PALM: variants seen among roughly 807,000 people sequenced by gnomAD.
The protein encoded by PALM is paralemmin.
PALM carries 18 observed loss-of-function variants against 30.7 expected under a neutral mutation model. The ratio of observed to expected loss-of-function variants is 0.59; its 90% CI spans 0.41 to 0.87. The LOEUF (loss-of-function observed/expected upper bound fraction) is 0.87, where lower values mean the gene tolerates loss of function less well. Ranked by LOEUF, PALM falls within the 40% of genes least tolerant of loss-of-function variation. The pLI, the probability that PALM is intolerant of heterozygous loss-of-function variation, is 0.00. For missense variants in PALM, 529 were observed against 555.4 expected (o/e 0.95, Z 0.48); for synonymous variants, 286 against 242.8 (o/e 1.18, Z -1.66).
At chr19:717,587 T>C (rs1378270504) in intron 1 of PALM, among the ~76,000 whole-genome samples, 1 of 152,112 alleles carries the variant, frequency 6.6e-6, no homozygotes, top group Non-Finnish European at 1.5e-5. Flanking sequence ...TGTGAATCTG[T>C]AGTTACCCCC....
At chr19:717,495 C>T (rs113313707) in intron 1 of PALM, among the ~76,000 whole-genome samples, 4 of 152,278 alleles carry the variant, frequency 2.6e-5, no homozygotes, top group Non-Finnish European at 4.4e-5. Context: ...CTCCTGTTCA[C>T]GGCTGAGTCA....
chr19:731,116 G>T lies in PALM; in HGVS notation c.291G>T (p.Val97=). 1 of 1,600,716 alleles carries T rather than the reference G, an allele frequency of 6.2e-7. No individual in the cohort carries two copies. Among genetic ancestry groups the T allele is most frequent in the Non-Finnish European group, 8.5e-7 (1 of 1,174,072 alleles). ...CCAGGTTGGAGAAGGAAATTGAGGT[G>T]CTGGAGCGTGGAGACTCCGCCCCAG... The part of the protein sequence containing the change: ...SVSRLEKEIE[V]LERGDSAPAT... The change falls in exon 5 of 9, where the codon GTG becomes GTT. Residue 97 remains valine, a synonymous_variant. Transcript: ENST00000338448.
intron 4 of PALM, among the ~76,000 whole-genome samples, chr19:730,242 A>G (rs1296007515): frequency 6.6e-6 from 1 of 152,136 alleles, no homozygotes. Context: ...TGGAGGGGAC[A>G]CAAGTCTGGC....
At chr19:726,081 G>T in intron 1 of PALM, 57 bp from the exon 2 acceptor site, 2 of 1,368,330 alleles carry the variant, frequency 1.5e-6, no homozygotes, top group Admixed American at 3.4e-5. Context: ...TTTGAACCGC[G>T]TCTGACGGAC....
At position 740,345 on chromosome 19, in the gene PALM, G is replaced by T. The variant is rs758455631; in HGVS notation, c.503-7G>T. The T allele has an allele frequency of 6.4e-7, 1 of 1,559,738 alleles. No individual in the cohort carries two copies. Among genetic ancestry groups the T allele is most frequent in the Non-Finnish European group, 8.7e-7 (1 of 1,151,194 alleles). On this transcript the variant is annotated splice_polypyrimidine_tract_variant and splice_region_variant and intron_variant, in intron 7 of 8. Transcript: ENST00000338448. ...GCCGTGGTGTAACCCCGTGACTCTC[G>T]TGCCAGCCATGTACTCGGTTGAGAT...
chr19:709,362 G>A lies in PALM; in HGVS notation c.5+211G>A, dbSNP rs1183035241. Among the ~76,000 whole-genome samples, 4 of 151,584 alleles carry A rather than the reference G, an allele frequency of 2.6e-5. No homozygotes were observed. The highest frequency in any genetic ancestry group is 9.6e-5 in the African/African-American group (4 of 41,458). On this transcript the variant is annotated intron_variant, in intron 1 of 8. Coordinates refer to ENST00000338448, the MANE Select transcript of PALM (RefSeq NM_002579.3). The surrounding 1 kb of genome is among the most constrained non-coding windows in gnomAD (Gnocchi z 4.3). ...GAGGCCTCCCCGCTCCCGGACCCCG[G>A]CTGCCCACCCACCGGCGCGTGGGGA...
chr19:746,553 C>G lies in PALM; in HGVS notation c.903C>G (p.Ile301Met), dbSNP rs1219521117. The change falls in exon 9 of 9, where the codon ATC becomes ATG. Residue 301 changes from isoleucine (I) to methionine (M), a missense_variant. By Grantham distance (10) the Ile-to-Met change is conservative. Transcript: ENST00000338448. The surrounding 1 kb of genome is among the most constrained non-coding windows in gnomAD (Gnocchi z 7.1). ...GCCAGGAGCCCCCGGTCACAATGAT[C>G]TTCATGGGTTACCAGAACGTGGAGG... ...QPGQEPPVTM[I>M]FMGYQNVEDE... The G allele has an allele frequency of 1.2e-6, 2 of 1,613,436 alleles. No individual in the cohort carries two copies. The highest frequency in any genetic ancestry group is 2.2e-5 in the South Asian group (2 of 91,086).
At chr19:731,333 G>C in intron 5 of PALM, 88 bp downstream of exon 5, 1 of 1,232,702 alleles carries the variant, frequency 8.1e-7, no homozygotes, top group African/African-American at 1.5e-5. Context: ...TGTCAGCGTA[G>C]CTGAGGGGAC....
intron 6 of PALM, 98 bp from the exon 7 acceptor site, chr19:735,921 C>T (rs895713474): frequency 6.1e-6 from 6 of 982,326 alleles, no homozygotes; most frequent in Admixed American, 2.2e-5. Flanking sequence ...TGTGGGAGTC[C>T]GGATGCACTT....
chr19:710,145 G>T (rs1354920855), intron 1 of PALM, among the ~76,000 whole-genome samples: 1 of 152,134 alleles, frequency 6.6e-6, no homozygotes, highest in Non-Finnish European at 1.5e-5. Context: ...ACCGAAGACC[G>T]GATCTGGAGG....
At chr19:728,475 G>A (rs1317094425) in intron 4 of PALM, among the ~76,000 whole-genome samples, 1 of 152,198 alleles carries the variant, frequency 6.6e-6, no homozygotes, top group Non-Finnish European at 1.5e-5. Flanking sequence ...GCACGTTGGG[G>A]GTGTTCGGGA....
chr19:721,647 G>A (rs2144865044), intron 1 of PALM, among the ~76,000 whole-genome samples: 1 of 151,690 alleles, frequency 6.6e-6, no homozygotes, highest in East Asian at 1.9e-4. Flanking sequence ...GCCCAGGCTG[G>A]AGTGCAATGG....
At position 734,181 on chromosome 19, in the gene PALM, G is replaced by T; in HGVS notation, c.429G>T (p.Val143=). 6.2e-7 allele frequency: 1 copy of T among 1,613,896 alleles called. No homozygotes were observed. Residue 143 remains valine, a synonymous_variant, in exon 6 of 9, where the codon GTG becomes GTT. Transcript: ENST00000338448. ...EVVMNSQQTP[V]GTPKDKRVSN... ...TCTCTTCTTTCTTGCAGACGCCGGT[G>T]GGCACGCCCAAAGGTAGGACCTCTG...
At chr19:728,821 G>C (rs965740166) in intron 4 of PALM, among the ~76,000 whole-genome samples, 3 of 151,960 alleles carry the variant, frequency 2.0e-5, no homozygotes, top group Non-Finnish European at 4.4e-5. Context: ...GGCTAACACA[G>C]TGAAACCCCG....
rs546488468 is a variant in PALM at position 727,029 on chromosome 19, G to A, written c.79G>A (p.Glu27Lys). The A allele has an allele frequency of 1.9e-6, 3 of 1,546,600 alleles. No individual in the cohort carries two copies. Among genetic ancestry groups the A allele is most frequent in the Non-Finnish European group, 2.6e-6 (3 of 1,145,126 alleles). The change falls in exon 3 of 9, where the codon GAG (glutamate) becomes AAG (lysine). Residue 27 changes from glutamate to lysine, a missense_variant. Physicochemically the swap from Glu to Lys is moderately conservative, Grantham distance 56 (BLOSUM62 1). Coordinates refer to ENST00000338448, the MANE Select transcript of PALM (RefSeq NM_002579.3). ...ACAGGAGAAGCGGAAGCGGCAGGCG[G>A]AGATCGAGAACAAGCGCCGGCAGCT... is the stretch of plus-strand genomic sequence containing the variant. Reference protein sequence around the residue: ...AIAEKRKRQAEIENKRRQLED... With the variant: ...AIAEKRKRQAKIENKRRQLED...
chr19:732,935 TTG>T (rs2032917423), intron 5 of PALM, among the ~76,000 whole-genome samples: 1 of 150,120 alleles, frequency 6.7e-6, no homozygotes, highest in East Asian at 2.1e-4. Flanking sequence ...GGTGGTTTTT[TTG>T]TGTTTTTTTT....
In PALM at chr19:727,034, C is replaced by G. The variant is rs1036438626; in HGVS notation, c.84C>G (p.Ile28Met). Residue 28 changes from isoleucine to methionine, a missense_variant, in exon 3 of 9, where the codon ATC (isoleucine) becomes ATG (methionine). By Grantham distance (10) the Ile-to-Met change is conservative (BLOSUM62 1). Transcript: ENST00000338448. The stretch of plus-strand genomic sequence containing the variant: ...AGAAGCGGAAGCGGCAGGCGGAGAT[C>G]GAGAACAAGCGCCGGCAGCTGGAGG... ...IAEKRKRQAE[I>M]ENKRRQLEDE... 7 of 1,318,868 alleles carry G rather than the reference C, an allele frequency of 5.3e-6. No homozygotes were observed. The highest frequency in any genetic ancestry group is 1.0e-6 in the Non-Finnish European group (1 of 990,484). 81.7% of individuals were successfully genotyped at this position (1,318,868 alleles called of 1,614,324 possible). A position where few individuals can be genotyped will look rare whatever the true frequency, so the allele number is the denominator to read the frequency against.
chr19:724,321 ATTGT>A (rs920950998), intron 1 of PALM, among the ~76,000 whole-genome samples: 10 of 151,544 alleles, frequency 6.6e-5, no homozygotes, highest in African/African-American at 9.7e-5. Context: ...TCATTCATTT[ATTGT>A]TTGTTTGTTT....
chr19:744,894 A>AG (rs2033293712), intron 8 of PALM, among the ~76,000 whole-genome samples: 1 of 117,198 alleles, frequency 8.5e-6, no homozygotes, highest in Non-Finnish European at 2.0e-5. Context: ...TCAAAAAAAA[A>AG]AAGCAGCAGG....
Sources: gnomAD v4.1 joint callset for allele counts (sites outside exome capture counted in the v4.1 genomes callset) on GRCh38, gnomAD v4.1.1 for gene constraint, Gnocchi (gnomAD v3.1) non-coding constraint, MANE v1.5 for transcripts, NCBI Gene and HGNC (gene_info 2026-07-23, HGNC 2026-07-21) for gene names.